AKR1E2: variants seen among roughly 807,000 people sequenced by gnomAD.
AKR1E2 encodes 1,5-anhydro-D-fructose reductase.
Under a neutral mutation model 41.9 loss-of-function variants are expected in AKR1E2, and 43 were observed. The ratio of observed to expected loss-of-function variants is 1.03; its 90% CI spans 0.80 to 1.32. The LOEUF (loss-of-function observed/expected upper bound fraction) is 1.32. Among genes scored for constraint, AKR1E2 ranks in the 40% most tolerant of loss-of-function variants. AKR1E2 has a pLI of 0.00. For synonymous variants in AKR1E2, 121 were observed against 138.9 expected (o/e 0.87, Z 0.91); for missense variants, 423 against 396.5 (o/e 1.07, Z -0.57).
Position 4,833,410 on chromosome 10 carries a change from G to GT in AKR1E2, c.268_269insT (p.Ala90ValfsTer31). Reference sequence around the variant, plus strand: ...AACAGCATGCAGAAAGAGTCTCAAGGCCTTGAAGCTGAACTATTTGGACCT... The same window carrying GT: ...AACAGCATGCAGAAAGAGTCTCAAGGTCCTTGAAGCTGAACTATTTGGACCT... On this transcript the variant is annotated frameshift_variant, in exon 3 of 10. Transcript: ENST00000298375. LOFTEE classifies it high-confidence loss of function. 1 of 1,614,158 alleles carries GT rather than the reference G, an allele frequency of 6.2e-7. No homozygotes were observed. Among genetic ancestry groups the GT allele is most frequent in the Non-Finnish European group, 8.5e-7 (1 of 1,180,022 alleles).
In AKR1E2 at chr10:4,830,831, A is replaced by G; in HGVS notation, c.196A>G (p.Ile66Val). The G allele has an allele frequency of 6.2e-7, 1 of 1,614,146 alleles. No individual in the cohort carries two copies. The highest frequency in any genetic ancestry group is 8.5e-7 in the Non-Finnish European group (1 of 1,179,984). Reference protein sequence around the residue: ...EGAVRREDLFIATKLWCTCHK... With the variant: ...EGAVRREDLFVATKLWCTCHK... ...CGCTGTAAGACGGGAGGATCTGTTC[A>G]TTGCCACTAAGGTAGGGCTTCTCTA... Residue 66 changes from isoleucine (I) to valine (V), a missense_variant, in exon 2 of 10, where the codon ATT becomes GTT. Ile to Val is a conservative substitution (Grantham distance 29). Transcript: ENST00000298375.
At chr10:4,847,359 G>C (rs1834409796) in intron 9 of AKR1E2, 129 bp downstream of exon 9, 2 of 1,541,956 alleles carry the variant, frequency 1.3e-6, no homozygotes, top group South Asian at 2.5e-5. Context: ...TTTCCTGTTT[G>C]AAGATGAGCC....
the AKR1E2 span, among the ~76,000 whole-genome samples, chr10:4,867,549 T>C: frequency 6.6e-6 from 1 of 152,220 alleles, no homozygotes. Flanking sequence ...ACTATGTAAC[T>C]TTTTTGGACT....
intron 5 of AKR1E2, among the ~76,000 whole-genome samples, chr10:4,838,990 C>T (rs1564267424): frequency 6.6e-6 from 1 of 152,156 alleles, no homozygotes; most frequent in Non-Finnish European, 1.5e-5. Flanking sequence ...ACAGGCTGAT[C>T]TTGATGAGCT....
At chr10:4,866,649 T>TG in the AKR1E2 span, among the ~76,000 whole-genome samples, 4 of 125,654 alleles carry the variant, frequency 3.2e-5, no homozygotes, top group Non-Finnish European at 5.2e-5. Context: ...GTTTTTGTTT[T>TG]TTTTTTTTTT....
chr10:4,828,368 T>C (rs1009891620), intron 1 of AKR1E2, among the ~76,000 whole-genome samples: 4 of 152,204 alleles, frequency 2.6e-5, no homozygotes, highest in Non-Finnish European at 5.9e-5. Flanking sequence ...TCTTCATTAT[T>C]AGGGGCCACT....
intron 1 of AKR1E2, among the ~76,000 whole-genome samples, chr10:4,827,861 C>A (rs1044242941): frequency 1.3e-5 from 2 of 152,186 alleles, no homozygotes; most frequent in Non-Finnish European, 2.9e-5. Context: ...GAGTCTCTTG[C>A]TTCCCTTTAT....
intron 5 of AKR1E2, 126 bp downstream of exon 5, chr10:4,837,707 G>C: frequency 7.8e-6 from 11 of 1,409,770 alleles, no homozygotes; most frequent in Middle Eastern, 2.6e-4. Flanking sequence ...TCCTCTGGCA[G>C]CACTCAGAAT....
the AKR1E2 span, among the ~76,000 whole-genome samples, chr10:4,866,962 G>T: frequency 6.6e-6 from 1 of 152,122 alleles, no homozygotes; most frequent in Non-Finnish European, 1.5e-5. Flanking sequence ...TTTACGGAGG[G>T]TCAGAATCTT....
In AKR1E2 at chr10:4,847,605, A is replaced by C; in HGVS notation, c.*75A>C. The C allele has an allele frequency of 6.5e-7, 1 of 1,549,432 alleles. No individual in the cohort carries two copies. The highest frequency in any genetic ancestry group is 8.9e-7 in the Non-Finnish European group (1 of 1,127,520). On this transcript the variant is annotated 3_prime_UTR_variant, in exon 10 of 10. Coordinates refer to ENST00000298375, the MANE Select transcript of AKR1E2 (RefSeq NM_001040177.3). ...TTGGCAATGTTGACCCTCCTCTGTCATCACAGCGCCAGGGCAGCTGTGCCT... is the reference window on the plus strand; with the variant it reads ...TTGGCAATGTTGACCCTCCTCTGTCCTCACAGCGCCAGGGCAGCTGTGCCT...
the AKR1E2 span, among the ~76,000 whole-genome samples, chr10:4,857,528 T>C: frequency 3.9e-5 from 6 of 152,240 alleles, no homozygotes; most frequent in Non-Finnish European, 8.8e-5. Context: ...GCCAGCATCA[T>C]GCTTTCTATA....
chr10:4,830,744 G>A lies in AKR1E2; in HGVS notation c.109G>A (p.Ala37Thr). The A allele has an allele frequency of 6.2e-7, 1 of 1,614,114 alleles. No individual in the cohort carries two copies. The highest frequency in any genetic ancestry group is 2.2e-5 in the East Asian group (1 of 44,868). The change falls in exon 2 of 10, where the codon GCT becomes ACT. Residue 37 changes from alanine to threonine, a missense_variant. Coordinates refer to ENST00000298375, the MANE Select transcript of AKR1E2 (RefSeq NM_001040177.3). ...IDAGYRHFDC[A>T]YFYHNEREVG... The stretch of plus-strand genomic sequence containing the variant: ...CGCAGGGTACCGGCACTTCGACTGT[G>A]CTTACTTTTACCACAATGAGAGGGA...
intron 8 of AKR1E2, among the ~76,000 whole-genome samples, 153 bp downstream of exon 8, chr10:4,842,657 C>T (rs1200486533): frequency 1.3e-5 from 2 of 152,062 alleles, no homozygotes; most frequent in Admixed American, 6.5e-5. Flanking sequence ...GACCTTCCCT[C>T]AGCGATCAAA....
At chr10:4,836,468 T>G (rs1833430505) in intron 4 of AKR1E2, among the ~76,000 whole-genome samples, 1 of 152,298 alleles carries the variant, frequency 6.6e-6, no homozygotes, top group East Asian at 1.9e-4. Context: ...ACGTGTGGTC[T>G]TACAGTCTTG....
At chr10:4,826,433 A>T in intron 1 of AKR1E2, 70 bp downstream of exon 1, 1 of 1,207,664 alleles carries the variant, frequency 8.3e-7, no homozygotes, top group Non-Finnish European at 1.0e-6. Context: ...GCCCGATGGG[A>T]CCCAGGCCGG....
chr10:4,864,089 G>T, the AKR1E2 span, among the ~76,000 whole-genome samples: 2 of 152,118 alleles, frequency 1.3e-5, no homozygotes, highest in African/African-American at 4.8e-5. Flanking sequence ...GAAAAAGAGG[G>T]AATACTCCCT....
Position 4,833,353 on chromosome 10 carries a change from T to C in AKR1E2, c.211T>C (p.Trp71Arg). 1 of 1,613,840 alleles carries C rather than the reference T, an allele frequency of 6.2e-7. No individual in the cohort carries two copies. The highest frequency in any genetic ancestry group is 8.5e-7 in the Non-Finnish European group (1 of 1,179,696). ...REDLFIATKL[W>R]CTCHKKSLVE... ...GCTGGTCCCCTCTCCTTTGTAGCTGTGGTGCACCTGCCATAAGAAGTCCTT... is the reference window on the plus strand; with the variant it reads ...GCTGGTCCCCTCTCCTTTGTAGCTGCGGTGCACCTGCCATAAGAAGTCCTT... The change falls in exon 3 of 10, where the codon TGG becomes CGG. Residue 71 changes from tryptophan (W) to arginine (R), a missense_variant. Trp to Arg is a moderately radical substitution (Grantham distance 101). Coordinates refer to ENST00000298375, the MANE Select transcript of AKR1E2 (RefSeq NM_001040177.3).
At chr10:4,857,979 C>A in the AKR1E2 span, among the ~76,000 whole-genome samples, 1 of 152,028 alleles carries the variant, frequency 6.6e-6, no homozygotes, top group Non-Finnish European at 1.5e-5. Context: ...TAAATATTTT[C>A]TATTTTATAT....
In AKR1E2 at chr10:4,835,787, C is replaced by G. The variant is rs528543697; in HGVS notation, c.437C>G (p.Thr146Arg). The change falls in exon 4 of 10, where the codon ACG (threonine) becomes AGG (arginine). Residue 146 changes from threonine (T) to arginine (R), a missense_variant. Transcript: ENST00000298375. ...AGCAACATGGTTATTCCCAGTGACA[C>G]GGACTTCCTGGACACGTGGGAGGTG... ...DESNMVIPSDTDFLDTWEAME... is the reference protein window; with the variant it reads ...DESNMVIPSDRDFLDTWEAME... The G allele has an allele frequency of 1.2e-5, 19 of 1,614,092 alleles. No individual in the cohort carries two copies. In the South Asian group the frequency reaches 1.9e-4, roughly 16 times the overall value.
Sources: gnomAD v4.1 joint callset for allele counts (sites outside exome capture counted in the v4.1 genomes callset) on GRCh38, gnomAD v4.1.1 for gene constraint, MANE v1.5 for transcripts, NCBI Gene and HGNC (gene_info 2026-07-23, HGNC 2026-07-21) for gene names.